KLF8: variants seen among roughly 807,000 people sequenced by gnomAD.
The protein encoded by KLF8 is Krueppel-like factor 8.
A neutral mutation model predicts 18.2 loss-of-function variants in KLF8; 10 were observed. The ratio of observed to expected loss-of-function variants is 0.55; its 90% CI spans 0.34 to 0.93. The LOEUF is 0.93. Ranked by LOEUF, KLF8 falls within the 40% of genes least tolerant of loss-of-function variation. KLF8 has a pLI of 0.02. For synonymous variants in KLF8, 109 were observed against 97.3 expected (o/e 1.12, Z -0.71); for missense variants, 264 against 277.9 (o/e 0.95, Z 0.36).
At chrX:56,048,679 T>C in the KLF8 span, among the ~76,000 whole-genome samples, 20 of 111,872 alleles carry the variant, frequency 1.8e-4, no homozygotes, top group Non-Finnish European at 3.6e-4. Context: ...AGCCTTGTAG[T>C]ATAGTTTGAA....
chrX:56,137,806 G>A, the KLF8 span, among the ~76,000 whole-genome samples: 1 of 106,879 alleles, frequency 9.4e-6, no homozygotes, highest in Non-Finnish European at 1.9e-5. Context: ...AGAAAAACAA[G>A]CATAAACCAA....
chrX:56,219,918 C>T, the KLF8 span, among the ~76,000 whole-genome samples: 1 of 112,024 alleles, frequency 8.9e-6, no homozygotes, highest in African/African-American at 3.2e-5. Context: ...GTAGAGATTA[C>T]AATCTGGTAT....
the KLF8 span, among the ~76,000 whole-genome samples, chrX:56,191,996 A>T: frequency 9.0e-6 from 1 of 111,635 alleles, no homozygotes; most frequent in Non-Finnish European, 1.9e-5. Context: ...CAAGAGAAGG[A>T]AATAAAGGGC....
the KLF8 span, among the ~76,000 whole-genome samples, chrX:56,147,682 TG>T: frequency 8.9e-6 from 1 of 111,837 alleles, no homozygotes; most frequent in Non-Finnish European, 1.9e-5. Flanking sequence ...GAAAACTTTT[TG>T]AAACTAAATA....
At chrX:56,038,284 G>T in the KLF8 span, among the ~76,000 whole-genome samples, 1 of 111,498 alleles carries the variant, frequency 9.0e-6, no homozygotes, top group Non-Finnish European at 1.9e-5. Context: ...AAGTAAACAT[G>T]TGCCCATGGT....
the KLF8 span, among the ~76,000 whole-genome samples, chrX:55,965,468 T>C: frequency 2.7e-5 from 3 of 111,455 alleles, no homozygotes; most frequent in African/African-American, 6.5e-5. Context: ...CCCCTAAGAA[T>C]TGGAGTAAAA....
intron 1 of KLF8, among the ~76,000 whole-genome samples, chrX:56,240,849 G>A (rs1316231547): frequency 9.0e-6 from 1 of 111,425 alleles, no homozygotes; most frequent in Non-Finnish European, 1.9e-5. Context: ...ATTTCTTCAT[G>A]TGTATAGTGG....
the KLF8 span, among the ~76,000 whole-genome samples, chrX:56,057,334 G>A: frequency 9.0e-6 from 1 of 111,467 alleles, no homozygotes; most frequent in African/African-American, 3.3e-5. Flanking sequence ...ATGGTGGTTT[G>A]TGGAGAGAGG....
chrX:56,090,171 G>T, the KLF8 span, among the ~76,000 whole-genome samples: 1 of 112,004 alleles, frequency 8.9e-6, no homozygotes, highest in Non-Finnish European at 1.9e-5. Context: ...TGCTTTCTCA[G>T]CCTTATATGC....
At chrX:56,096,935 C>T in the KLF8 span, among the ~76,000 whole-genome samples, 1 of 111,233 alleles carries the variant, frequency 9.0e-6, no homozygotes. Context: ...GTGAACAACT[C>T]TATGCCTATA....
At chrX:56,224,132 T>C in the KLF8 span, among the ~76,000 whole-genome samples, 2 of 110,952 alleles carry the variant, frequency 1.8e-5, no homozygotes, top group Non-Finnish European at 3.8e-5. Context: ...GAATGGTAAA[T>C]TTTAGCTGCA....
At chrX:56,188,251 G>A in the KLF8 span, among the ~76,000 whole-genome samples, 1 of 111,304 alleles carries the variant, frequency 9.0e-6, no homozygotes, top group Non-Finnish European at 1.9e-5. Context: ...GCCAAATCAT[G>A]AGTGAACTCC....
At chrX:56,088,836 C>G in the KLF8 span, among the ~76,000 whole-genome samples, 1 of 111,210 alleles carries the variant, frequency 9.0e-6, no homozygotes, top group African/African-American at 3.3e-5. Context: ...GTCATTCTTG[C>G]ACAAAGAACA....
At chrX:55,981,697 G>A in the KLF8 span, among the ~76,000 whole-genome samples, 2 of 111,796 alleles carry the variant, frequency 1.8e-5, no homozygotes, top group Non-Finnish European at 3.8e-5. Context: ...AGCCTTCTTT[G>A]GGTGGAATCT....
chrX:56,154,417 C>A, the KLF8 span, among the ~76,000 whole-genome samples: 1 of 111,888 alleles, frequency 8.9e-6, no homozygotes, highest in African/African-American at 3.2e-5. Context: ...AAAGCTGAAA[C>A]TGGATCCCTT....
the KLF8 span, among the ~76,000 whole-genome samples, chrX:56,059,090 C>A: frequency 1.1e-4 from 12 of 112,177 alleles, 1 homozygote; most frequent in Non-Finnish European, 2.1e-4. Flanking sequence ...ATTTGCATTT[C>A]TCTAATGACC....
At chrX:55,971,527 C>A in the KLF8 span, among the ~76,000 whole-genome samples, 2 of 110,579 alleles carry the variant, frequency 1.8e-5, no homozygotes, top group African/African-American at 6.6e-5. Flanking sequence ...TAATACCCCA[C>A]AAAAACATGC....
the KLF8 span, among the ~76,000 whole-genome samples, chrX:56,072,423 G>A: frequency 8.9e-6 from 1 of 111,757 alleles, no homozygotes; most frequent in Non-Finnish European, 1.9e-5. Context: ...CCAGTCAATA[G>A]TCTATATTTG....
chrX:56,079,201 C>T, the KLF8 span, among the ~76,000 whole-genome samples: 1 of 111,051 alleles, frequency 9.0e-6, no homozygotes, highest in Admixed American at 9.6e-5. Flanking sequence ...AATGTGTTTG[C>T]TCTTGCTTGT....
Sources: gnomAD v4.1 joint callset for allele counts (sites outside exome capture counted in the v4.1 genomes callset) on GRCh38, gnomAD v4.1.1 for gene constraint, MANE v1.5 for transcripts, NCBI Gene and HGNC (gene_info 2026-07-23, HGNC 2026-07-21) for gene names.